DAP: variants seen among roughly 807,000 people sequenced by gnomAD.
DAP encodes the protein death associated protein, also known as death-associated protein 1.
A neutral mutation model predicts 13.8 loss-of-function variants in DAP; 8 were observed. The ratio of observed to expected loss-of-function variants is 0.58; its 90% CI spans 0.34 to 1.05. The LOEUF (loss-of-function observed/expected upper bound fraction) is 1.05, where lower values mean the gene tolerates loss of function less well. Among genes scored for constraint, DAP ranks in the 50% least tolerant of loss-of-function variants. DAP has a pLI of 0.03. For synonymous variants in DAP, 47 were observed against 47.5 expected (o/e 0.99, Z 0.04); for missense variants, 106 against 133.2 (o/e 0.80, Z 1.01).
intron 2 of DAP, among the ~76,000 whole-genome samples, chr5:10,691,609 A>T (rs1738307325): frequency 6.6e-6 from 1 of 152,258 alleles, no homozygotes; most frequent in Non-Finnish European, 1.5e-5. Flanking sequence ...GATGAAAATC[A>T]TTCTGACAGA....
chr5:10,721,604 C>T (rs973026755), intron 2 of DAP, among the ~76,000 whole-genome samples: 6 of 152,194 alleles, frequency 3.9e-5, no homozygotes, highest in African/African-American at 9.6e-5. Context: ...TGATTAAGGT[C>T]GACGGGAAAC....
intron 1 of DAP, among the ~76,000 whole-genome samples, chr5:10,753,628 C>G (rs528474193): frequency 3.9e-5 from 6 of 152,326 alleles, no homozygotes; most frequent in African/African-American, 1.4e-4. Flanking sequence ...TGGTGGCTTG[C>G]TATCTGCTAG....
At chr5:10,686,661 G>A (rs1041979206) in intron 2 of DAP, among the ~76,000 whole-genome samples, 8 of 152,198 alleles carry the variant, frequency 5.3e-5, no homozygotes, top group Non-Finnish European at 1.0e-4. Context: ...TGAGGAAGCT[G>A]CAGAAGAAAA....
chr5:10,760,627 T>G (rs749054337), intron 1 of DAP, among the ~76,000 whole-genome samples: 1 of 152,232 alleles, frequency 6.6e-6, no homozygotes, highest in Non-Finnish European at 1.5e-5. Context: ...TTAACACCAC[T>G]GACTTTTCAT....
chr5:10,726,189 C>T (rs1464039374), intron 2 of DAP, among the ~76,000 whole-genome samples: 1 of 152,226 alleles, frequency 6.6e-6, no homozygotes, highest in African/African-American at 2.4e-5. Flanking sequence ...CTTCCGCCTC[C>T]CCTCTGGAGT....
intron 1 of DAP, among the ~76,000 whole-genome samples, chr5:10,750,761 G>A (rs187349787): frequency 1.8e-4 from 27 of 152,212 alleles, no homozygotes; most frequent in Non-Finnish European, 1.2e-4. Context: ...GTTTTTGCCT[G>A]TGGATTCTTG....
At chr5:10,756,561 AT>A (rs1182487279) in intron 1 of DAP, among the ~76,000 whole-genome samples, 1 of 152,258 alleles carries the variant, frequency 6.6e-6, no homozygotes, top group Non-Finnish European at 1.5e-5. Flanking sequence ...TTATATTTCC[AT>A]TTAATTCACT....
chr5:10,680,578 G>T lies in DAP; in HGVS notation c.*478C>A. The T allele has an allele frequency of 1.4e-6, 1 of 715,164 alleles. No homozygotes were observed. Among genetic ancestry groups the T allele is most frequent in the Non-Finnish European group, 2.3e-6 (1 of 440,538 alleles). The allele number at this position is 715,164 out of a possible 1,614,324, so 44.3% of individuals were successfully genotyped here. A position where few individuals can be genotyped will look rare whatever the true frequency, so the allele number is the denominator to read the frequency against. On this transcript the variant is annotated 3_prime_UTR_variant, in exon 4 of 4. Coordinates refer to ENST00000230895, the MANE Select transcript of DAP (RefSeq NM_004394.3). ...GGCATTGCTGTTCCCTGCCTCTAAG[G>T]TCCTTTATGAGGGGCCGCCCAAACT...
In DAP at chr5:10,681,133, C is replaced by A. The variant is rs749762915; in HGVS notation, c.232G>T (p.Ala78Ser). Residue 78 changes from alanine (A) to serine (S), a missense_variant, in exon 4 of 4, where the codon GCT becomes TCT. Physicochemically the swap from Ala to Ser is moderately conservative, Grantham distance 99 (BLOSUM62 1). Transcript: ENST00000230895. ...KDFPPAAAQV[A>S]HQKPHASMDK... The stretch of plus-strand genomic sequence containing the variant: ...ATGGAGGCATGCGGCTTCTGGTGAG[C>A]CACCTGCGCAGCCGCCGGGGGGAAA... The A allele has an allele frequency of 6.5e-7, 1 of 1,541,176 alleles. No homozygotes were observed. Among genetic ancestry groups the A allele is most frequent in the Admixed American group, 2.1e-5 (1 of 47,290 alleles).
chr5:10,742,451 C>T (rs564170164), intron 2 of DAP, among the ~76,000 whole-genome samples: 37 of 152,222 alleles, frequency 2.4e-4, no homozygotes, highest in East Asian at 3.9e-4. Context: ...CACTTGAAAC[C>T]GGAAGACAGA....
chr5:10,683,627 A>G (rs1229071306), intron 2 of DAP, 56 bp from the exon 3 acceptor site: 1 of 1,547,272 alleles, frequency 6.5e-7, no homozygotes, highest in African/African-American at 1.4e-5. Context: ...AACAGGGAAC[A>G]CGGTGGCAGA....
At chr5:10,752,804 C>T (rs1048652278) in intron 1 of DAP, among the ~76,000 whole-genome samples, 4 of 152,214 alleles carry the variant, frequency 2.6e-5, no homozygotes, top group African/African-American at 9.6e-5. Context: ...CTCCCAGGGC[C>T]AGCTGAGGAT....
At position 10,754,427 on chromosome 5, in the gene DAP, G is replaced by A. The variant is rs564165399; in HGVS notation, c.56-6156C>T. Among the ~76,000 whole-genome samples the A allele has an allele frequency of 9.9e-5, 15 of 152,242 alleles. No individual in the cohort carries two copies. The South Asian group carries it at 1.0e-3, about 11-fold the overall frequency. On this transcript the variant is annotated intron_variant, in intron 1 of 3. Transcript: ENST00000230895. Reference sequence around the variant, plus strand: ...CGTTGGCTTCATACTGCTATTCTGTGCTCAGAATCATAGACTGTGAAGGTG... The same window carrying A: ...CGTTGGCTTCATACTGCTATTCTGTACTCAGAATCATAGACTGTGAAGGTG...
intron 2 of DAP, among the ~76,000 whole-genome samples, chr5:10,718,328 C>A (rs971447684): frequency 2.0e-5 from 3 of 152,160 alleles, no homozygotes; most frequent in African/African-American, 7.2e-5. Flanking sequence ...TGTGGTCAAT[C>A]CCCCAGTGCC....
chr5:10,731,968 G>A (rs1249065516), intron 2 of DAP, among the ~76,000 whole-genome samples: 3 of 152,204 alleles, frequency 2.0e-5, no homozygotes, highest in African/African-American at 7.2e-5. Flanking sequence ...TCTTCAAGGA[G>A]TCAATGTGTC....
rs147190549 is a variant in DAP, at chr5:10,744,027, G to A, written c.152+4148C>T. Reference sequence around the variant, plus strand: ...ATTGCAAGAAAAATAACTAGTAAAAGTTGCAGGGCTTTTTTTTTCCTGTCA... The same window carrying A: ...ATTGCAAGAAAAATAACTAGTAAAAATTGCAGGGCTTTTTTTTTCCTGTCA... On this transcript the variant is annotated intron_variant, in intron 2 of 3. Transcript: ENST00000230895. Among the ~76,000 whole-genome samples the A allele has an allele frequency of 3.4e-3, 518 of 152,274 alleles. 2 individuals are homozygous for A. The highest frequency in any genetic ancestry group is 0.012 in the African/African-American group (505 of 41,552).
intron 1 of DAP, among the ~76,000 whole-genome samples, chr5:10,759,744 C>CT (rs1169454640): frequency 0.018 from 1,587 of 88,212 alleles, 113 homozygotes; most frequent in African/African-American, 0.058. Context: ...TAATGGGAAT[C>CT]TTTTTTTTTT....
chr5:10,701,430 A>C (rs898454436), intron 2 of DAP, among the ~76,000 whole-genome samples: 1 of 152,212 alleles, frequency 6.6e-6, no homozygotes, highest in African/African-American at 2.4e-5. Context: ...TAAACCCAGC[A>C]TCTTTATGGT....
At chr5:10,718,606 A>C (rs998007513) in intron 2 of DAP, among the ~76,000 whole-genome samples, 7 of 152,238 alleles carry the variant, frequency 4.6e-5, no homozygotes, top group Admixed American at 1.3e-4. Context: ...TGTGCAGAAG[A>C]CAGGTGGATC....
Sources: allele counts gnomAD v4.1 joint callset (sites outside exome capture counted in the v4.1 genomes callset), GRCh38; gene constraint gnomAD v4.1.1; transcripts MANE v1.5; gene names NCBI Gene and HGNC (gene_info 2026-07-23, HGNC 2026-07-21).